SNAPC3: variants seen among roughly 807,000 people sequenced by gnomAD.
The protein encoded by SNAPC3 is snRNA-activating protein complex subunit 3.
SNAPC3 carries 56 observed loss-of-function variants against 47.7 expected under a neutral mutation model. That is an observed-to-expected ratio of 1.18 (90% CI 0.95 to 1.47). SNAPC3 has a LOEUF of 1.47. SNAPC3 is among the 40% of genes most tolerant of loss of function. The probability of loss-of-function intolerance (pLI) is 0.00; values close to 1 mark genes in which losing one functional copy is unlikely to be tolerated. For missense variants in SNAPC3, 665 were observed against 511.3 expected, an observed-to-expected ratio of 1.30 and a Z score of -2.90; for synonymous variants, 235 against 189.9, an observed-to-expected ratio of 1.24 and a Z score of -1.95.
intron 7 of SNAPC3, 57 bp from the exon 8 acceptor site, chr9:15,457,903 A>G: frequency 1.0e-6 from 1 of 995,176 alleles, no homozygotes; most frequent in Non-Finnish European, 1.5e-6. Flanking sequence ...ATAGCTCATA[A>G]AAATTTGTCA....
At chr9:15,438,732 C>T (rs961622209) in intron 3 of SNAPC3, among the ~76,000 whole-genome samples, 3 of 151,946 alleles carry the variant, frequency 2.0e-5, no homozygotes, top group African/African-American at 7.2e-5. Context: ...AGAAGAGTTA[C>T]GTTTATTACT....
In SNAPC3 at chr9:15,423,927, C is replaced by T. The variant is rs150067105; in HGVS notation, c.333C>T (p.Cys111=). The T allele has an allele frequency of 1.3e-4, 208 of 1,577,804 alleles. No individual in the cohort carries two copies. The highest frequency in any genetic ancestry group is 1.6e-4 in the Non-Finnish European group (181 of 1,163,122). Residue 111 remains cysteine (C), a synonymous_variant, in exon 2 of 9, where the codon TGC becomes TGT. Coordinates refer to ENST00000380821, the MANE Select transcript of SNAPC3 (RefSeq NM_001039697.2). ...RAVCGLDKLK[C]LEDGEDPEVI... is the part of the protein sequence containing the mutation. ...GTTTTAGCCTTGATAAACTGAAATG[C>T]CTTGAGGACGGTGAGGATCCAGAAG...
intron 3 of SNAPC3, among the ~76,000 whole-genome samples, chr9:15,438,793 C>T (rs990854339): frequency 8.5e-5 from 13 of 152,086 alleles, no homozygotes; most frequent in African/African-American, 3.1e-4. Flanking sequence ...GAATGGTTCA[C>T]ATGCACTTGA....
intron 7 of SNAPC3, among the ~76,000 whole-genome samples, chr9:15,457,375 G>A (rs1305597644): frequency 2.0e-5 from 3 of 152,160 alleles, no homozygotes; most frequent in East Asian, 1.9e-4. Context: ...TGGGAGGATC[G>A]CTTGAGACCA....
chr9:15,423,957 T>C lies in SNAPC3; in HGVS notation c.363T>C (p.Ile121=). The C allele has an allele frequency of 1.3e-6, 2 of 1,588,878 alleles. No homozygotes were observed. The highest frequency in any genetic ancestry group is 1.7e-6 in the Non-Finnish European group (2 of 1,168,746). Residue 121 remains isoleucine, a synonymous_variant, in exon 2 of 9, where the codon ATT becomes ATC. Coordinates refer to ENST00000380821, the MANE Select transcript of SNAPC3 (RefSeq NM_001039697.2). ...AGGACGGTGAGGATCCAGAAGTCAT[T>C]CCGGAGAATACTGACCTGGTGACTT... The part of the protein sequence containing the change: ...CLEDGEDPEV[I]PENTDLVTLG...
intron 3 of SNAPC3, among the ~76,000 whole-genome samples, chr9:15,434,410 T>TC (rs2032540377): frequency 1.7e-5 from 2 of 115,596 alleles, no homozygotes; most frequent in Non-Finnish European, 1.9e-5. Context: ...TCTGTATGGC[T>TC]TTTTTTTTTT....
intron 5 of SNAPC3, among the ~76,000 whole-genome samples, chr9:15,449,557 A>G (rs1318010490): frequency 4.6e-5 from 2 of 43,446 alleles, no homozygotes; most frequent in African/African-American, 1.1e-4. Context: ...ATATATATAT[A>G]TATATATTTT....
At chr9:15,436,784 C>G (rs920551215) in intron 3 of SNAPC3, among the ~76,000 whole-genome samples, 14 of 141,764 alleles carry the variant, frequency 9.9e-5, no homozygotes, top group Non-Finnish European at 1.5e-5. Context: ...AATGAGATTT[C>G]TTTCCATTTA....
chr9:15,463,437 C>CA (rs2035374858), downstream of SNAPC3: 1 of 132,726 alleles, frequency 7.5e-6, no homozygotes, highest in Admixed American at 9.2e-5. Context: ...CGTACATACA[C>CA]ACACATACCA....
At chr9:15,430,244 A>G (rs1411993854) in intron 2 of SNAPC3, among the ~76,000 whole-genome samples, 2 of 152,144 alleles carry the variant, frequency 1.3e-5, no homozygotes, top group Non-Finnish European at 2.9e-5. Context: ...CAGCCTCGGC[A>G]AGATAGGGAG....
At chr9:15,435,572 C>CA (rs1273361780) in intron 3 of SNAPC3, among the ~76,000 whole-genome samples, 3 of 147,790 alleles carry the variant, frequency 2.0e-5, no homozygotes, top group East Asian at 2.0e-4. Flanking sequence ...GACTCTGTCT[C>CA]AAAAAAAAAT....
chr9:15,465,108 GTC>G (rs1227752911), downstream of SNAPC3: 12 of 231,192 alleles, frequency 5.2e-5, no homozygotes, highest in East Asian at 7.0e-4. Context: ...TGAAAAGACA[GTC>G]TGGTAAATCC....
downstream of SNAPC3, chr9:15,461,693 A>C (rs1314663095): frequency 6.6e-6 from 1 of 152,246 alleles, no homozygotes; most frequent in African/African-American, 2.4e-5. Flanking sequence ...TTACACATGG[A>C]AAACTGACGA....
chr9:15,446,067 T>C (rs2033906323), intron 4 of SNAPC3, among the ~76,000 whole-genome samples: 2 of 152,214 alleles, frequency 1.3e-5, no homozygotes, highest in Admixed American at 1.3e-4. Flanking sequence ...AAGTAACTTT[T>C]AGGAAATTTT....
chr9:15,463,937 T>C (rs2035430888), downstream of SNAPC3: 1 of 161,852 alleles, frequency 6.2e-6, no homozygotes, highest in Non-Finnish European at 1.4e-5. Context: ...GCTTACTGTT[T>C]AGTTACCCCG....
chr9:15,423,950 A>T lies in SNAPC3; in HGVS notation c.356A>T (p.Glu119Val). Residue 119 changes from glutamate to valine, a missense_variant, in exon 2 of 9, where the codon GAA becomes GTA. Coordinates refer to ENST00000380821, the MANE Select transcript of SNAPC3 (RefSeq NM_001039697.2). Reference protein sequence around the residue: ...LKCLEDGEDPEVIPENTDLVT... With the variant: ...LKCLEDGEDPVVIPENTDLVT... Reference sequence around the variant, plus strand: ...TGCCTTGAGGACGGTGAGGATCCAGAAGTCATTCCGGAGAATACTGACCTG... The same window carrying T: ...TGCCTTGAGGACGGTGAGGATCCAGTAGTCATTCCGGAGAATACTGACCTG... The T allele has an allele frequency of 6.3e-7, 1 of 1,590,128 alleles. No individual in the cohort carries two copies. Among genetic ancestry groups the T allele is most frequent in the Non-Finnish European group, 8.5e-7 (1 of 1,169,608 alleles).
intron 5 of SNAPC3, among the ~76,000 whole-genome samples, chr9:15,447,485 G>C (rs1022273734): frequency 6.6e-6 from 1 of 150,936 alleles, no homozygotes; most frequent in Non-Finnish European, 1.5e-5. Context: ...TTTTCCTTCT[G>C]GGCTAATAGT....
chr9:15,424,335 T>C (rs369967333), intron 2 of SNAPC3, among the ~76,000 whole-genome samples: 1 of 152,244 alleles, frequency 6.6e-6, no homozygotes, highest in African/African-American at 2.4e-5. Flanking sequence ...TTCAAACTTG[T>C]GTTTATTTTT....
chr9:15,439,122 A>G (rs2033092978), intron 3 of SNAPC3, among the ~76,000 whole-genome samples: 1 of 151,346 alleles, frequency 6.6e-6, no homozygotes. Flanking sequence ...TTATCTTCCC[A>G]CCTCCACCTC....
Sources: allele counts gnomAD v4.1 joint callset (sites outside exome capture counted in the v4.1 genomes callset), GRCh38; gene constraint gnomAD v4.1.1; transcripts MANE v1.5; gene names NCBI Gene and HGNC (gene_info 2026-07-23, HGNC 2026-07-21).